The following NAALADL2 variants were observed in gnomAD, a reference collection of about 807,000 sequenced individuals.
NAALADL2 encodes the protein inactive N-acetylated-alpha-linked acidic dipeptidase-like protein 2.
NAALADL2 carries 76 observed loss-of-function variants against 87.2 expected under a neutral mutation model. The ratio of observed to expected loss-of-function variants is 0.87; its 90% CI spans 0.72 to 1.05. The LOEUF (loss-of-function observed/expected upper bound fraction) is 1.05. Among genes scored for constraint, NAALADL2 ranks in the 50% least tolerant of loss-of-function variants. The pLI is 0.00. For missense variants in NAALADL2, 1,089 were observed against 945.8 expected (o/e 1.15, Z -1.99); for synonymous variants, 354 against 331.0 (o/e 1.07, Z -0.75).
At chr3:175,150,879 G>A (rs1731445400) in intron 2 of NAALADL2, among the ~76,000 whole-genome samples, 1 of 152,162 alleles carries the variant, frequency 6.6e-6, no homozygotes, top group African/African-American at 2.4e-5. Flanking sequence ...CCCTCCTGTA[G>A]TTTATGGATT....
intron 11 of NAALADL2, among the ~76,000 whole-genome samples, chr3:175,639,878 A>G (rs886390359): frequency 2.0e-5 from 3 of 152,128 alleles, no homozygotes; most frequent in African/African-American, 4.8e-5. Context: ...CTGCTTGTAG[A>G]GTTTAGCAAT....
intron 11 of NAALADL2, among the ~76,000 whole-genome samples, chr3:175,638,288 T>G (rs1293095705): frequency 6.6e-6 from 1 of 152,174 alleles, no homozygotes; most frequent in Non-Finnish European, 1.5e-5. Context: ...CTGTGATTCC[T>G]TTTCACCTTT....
intron 5 of NAALADL2, among the ~76,000 whole-genome samples, chr3:175,425,132 G>C (rs1293826431): frequency 1.3e-5 from 2 of 152,184 alleles, no homozygotes; most frequent in Non-Finnish European, 2.9e-5. Context: ...TTCTGCCTTA[G>C]ACTTCTGCTA....
chr3:174,949,402 G>T (rs899474612), intron 1 of NAALADL2, among the ~76,000 whole-genome samples: 6 of 152,080 alleles, frequency 3.9e-5, no homozygotes, highest in Admixed American at 2.6e-4. Context: ...GGTGGGGAGG[G>T]TTGTCCCTGA....
At chr3:174,792,613 C>T (rs1252013596) in intron 3 of NAALADL2, among the ~76,000 whole-genome samples, 1 of 152,080 alleles carries the variant, frequency 6.6e-6, no homozygotes, top group Non-Finnish European at 1.5e-5. Flanking sequence ...ATTCTCTTGC[C>T]ATGTTTAAAA....
intron 5 of NAALADL2, among the ~76,000 whole-genome samples, chr3:175,374,746 G>T (rs2148962503): frequency 6.6e-6 from 1 of 151,488 alleles, no homozygotes; most frequent in Non-Finnish European, 1.5e-5. Context: ...GGTGGTGCAT[G>T]CCTGCAATGC....
At chr3:175,012,035 G>A (rs998603019) in intron 1 of NAALADL2, among the ~76,000 whole-genome samples, 5 of 152,162 alleles carry the variant, frequency 3.3e-5, no homozygotes, top group African/African-American at 1.2e-4. Context: ...GGCAATGCCA[G>A]CAAAATTAAT....
intron 1 of NAALADL2, among the ~76,000 whole-genome samples, chr3:174,908,530 T>C (rs934119751): frequency 6.6e-6 from 1 of 152,022 alleles, no homozygotes; most frequent in African/African-American, 2.4e-5. Context: ...TCAAAGTGGG[T>C]TGAATTTTAG....
intron 2 of NAALADL2, among the ~76,000 whole-genome samples, chr3:175,113,520 G>A (rs75626359): frequency 0.071 from 10,692 of 151,434 alleles, 778 homozygotes; most frequent in African/African-American, 0.19. Context: ...ATATTTTACC[G>A]AGCTACCCAG....
At chr3:175,315,204 C>G (rs891065964) in intron 4 of NAALADL2, among the ~76,000 whole-genome samples, 1 of 152,094 alleles carries the variant, frequency 6.6e-6, no homozygotes, top group Non-Finnish European at 1.5e-5. Flanking sequence ...AGTTGCTAGT[C>G]TAGCACCCTG....
intron 3 of NAALADL2, among the ~76,000 whole-genome samples, chr3:174,756,949 CAAAAA>C (rs773360702): frequency 2.4e-3 from 276 of 114,356 alleles, no homozygotes; most frequent in African/African-American, 7.5e-3. Flanking sequence ...CACCTATAGA[CAAAAA>C]AAACAAAACA....
Position 175,467,287 on chromosome 3 carries a change from C to T in NAALADL2, c.1533+103C>T, listed in dbSNP as rs73884422. 7.7e-3 allele frequency: 6,668 copies of T among 863,670 alleles called. 320 individuals carry two copies. The African/African-American group carries it at 0.1, about 13-fold the overall frequency. 53.5% of individuals were successfully genotyped at this position (863,670 alleles called of 1,614,324 possible). A position where few individuals can be genotyped will look rare whatever the true frequency, so the allele number is the denominator to read the frequency against. ...CCAAGGGCAATAATGTGCTTCTCAA[C>T]ACAAGTGTCATATTGCCTAATTTGC... On this transcript the variant is annotated intron_variant, in intron 8 of 13. Transcript: ENST00000454872.
At position 174,498,644 on chromosome 3, in the gene NAALADL2, T is replaced by A. The variant is rs148555432; in HGVS notation, c.-183-51925T>A. 2.3e-3 allele frequency among the ~76,000 whole-genome samples: 350 copies of A among 150,808 alleles called. 2 individuals are homozygous for A. Among genetic ancestry groups the A allele is most frequent in the African/African-American group, 8.2e-3 (337 of 41,306 alleles). On this transcript the variant is annotated intron_variant, in intron 1 of 3. Transcript: ENST00000434257. Reference sequence around the variant, plus strand: ...TATAAACATATATATATAATATATATGTTTATCTTTTAAATGAACTATCAA... The same window carrying A: ...TATAAACATATATATATAATATATAAGTTTATCTTTTAAATGAACTATCAA...
chr3:175,636,215 C>CGT lies in NAALADL2; in HGVS notation c.1896+8837_1896+8838dup, dbSNP rs561656133. Reference sequence around the variant, plus strand: ...ATCCTAAATTGTGTGTGTGTGTGTGCGTGTGTGTGCTCTCTTGGTAGACCT... The same window carrying CGT: ...ATCCTAAATTGTGTGTGTGTGTGTGCGTGTGTGTGTGCTCTCTTGGTAGACCT... On this transcript the variant is annotated intron_variant, in intron 11 of 13. Coordinates refer to ENST00000454872, the MANE Select transcript of NAALADL2 (RefSeq NM_207015.3). Among the ~76,000 whole-genome samples the CGT allele has an allele frequency of 3.6e-5, 5 of 139,584 alleles. No homozygotes were observed. In the South Asian group the frequency reaches 6.7e-4, roughly 19 times the overall value. The allele number at this position is 139,584 out of a possible 152,430, so 91.6% of individuals were successfully genotyped here. A position where few individuals can be genotyped will look rare whatever the true frequency, so the allele number is the denominator to read the frequency against.
At chr3:175,707,841 A>C (rs561079498) in intron 11 of NAALADL2, among the ~76,000 whole-genome samples, 55 of 152,166 alleles carry the variant, frequency 3.6e-4, no homozygotes, top group African/African-American at 1.2e-3. Flanking sequence ...TAAGGTAAGT[A>C]TGAAGTTATA....
At chr3:175,250,342 A>G (rs1748836316) in intron 3 of NAALADL2, among the ~76,000 whole-genome samples, 1 of 151,374 alleles carries the variant, frequency 6.6e-6, no homozygotes, top group Non-Finnish European at 1.5e-5. Flanking sequence ...ACAAGCCAGT[A>G]GGAGAGCCAT....
At chr3:175,412,171 C>G (rs1713648311) in intron 5 of NAALADL2, among the ~76,000 whole-genome samples, 1 of 152,194 alleles carries the variant, frequency 6.6e-6, no homozygotes, top group African/African-American at 2.4e-5. Context: ...GTTGACGTCT[C>G]AACAAGTGTG....
intron 2 of NAALADL2, among the ~76,000 whole-genome samples, chr3:174,658,606 A>T (rs139145416): frequency 5.3e-5 from 8 of 152,280 alleles, no homozygotes; most frequent in African/African-American, 1.9e-4. Flanking sequence ...AGTAGGGAGA[A>T]ATTCAAATTT....
intron 11 of NAALADL2, among the ~76,000 whole-genome samples, chr3:175,732,323 AC>A (rs757380378): frequency 1.3e-5 from 2 of 152,166 alleles, no homozygotes; most frequent in Non-Finnish European, 2.9e-5. Context: ...ATATTTATGT[AC>A]CCTTTTCTGT....
Sources: allele counts gnomAD v4.1 joint callset (sites outside exome capture counted in the v4.1 genomes callset), GRCh38; gene constraint gnomAD v4.1.1; transcripts MANE v1.5; gene names NCBI Gene and HGNC (gene_info 2026-07-23, HGNC 2026-07-21).